DNER: variants seen among roughly 807,000 people sequenced by gnomAD.
The protein encoded by DNER is delta and Notch-like epidermal growth factor-related receptor.
A neutral mutation model predicts 78.2 loss-of-function variants in DNER; 33 were observed. The ratio of observed to expected loss-of-function variants is 0.42; its 90% confidence interval spans 0.32 to 0.56. The LOEUF is 0.56. Among genes scored for constraint, DNER ranks in the 20% least tolerant of loss-of-function variants. DNER has a pLI of 0.11. For synonymous variants in DNER, 417 were observed against 384.8 expected, an observed-to-expected ratio of 1.08 and a Z score of -0.98; for missense variants, 918 against 975.3, an observed-to-expected ratio of 0.94 and a Z score of 0.78.
chr2:229,613,605 G>T (rs150696411), intron 1 of DNER, among the ~76,000 whole-genome samples: 9 of 151,316 alleles, frequency 5.9e-5, no homozygotes, highest in African/African-American at 2.2e-4. Context: ...GTCAATGCCA[G>T]ATTGTTTTTA....
At chr2:229,470,749 C>G (rs903591032) in intron 7 of DNER, among the ~76,000 whole-genome samples, 1 of 152,080 alleles carries the variant, frequency 6.6e-6, no homozygotes, top group Admixed American at 6.5e-5. Flanking sequence ...ATTCGGGAGG[C>G]TGAAGCAGGA....
intron 1 of DNER, among the ~76,000 whole-genome samples, chr2:229,650,632 G>T (rs963017303): frequency 1.3e-5 from 2 of 151,922 alleles, no homozygotes; most frequent in African/African-American, 4.8e-5. Context: ...ACCACCCCAA[G>T]GGCCCCTACA....
intron 11 of DNER, among the ~76,000 whole-genome samples, chr2:229,383,901 C>T (rs988925112): frequency 2.0e-5 from 3 of 152,132 alleles, no homozygotes; most frequent in African/African-American, 7.2e-5. Flanking sequence ...AGCTCTGGAC[C>T]AAGCAGACCT....
intron 3 of DNER, among the ~76,000 whole-genome samples, chr2:229,586,508 TAAAAAAAAAAAAAAAAAAAAAA>T (rs555047737): frequency 7.4e-5 from 1 of 13,490 alleles, no homozygotes; most frequent in African/African-American, 2.7e-4. Flanking sequence ...TCATTTTTGG[TAAAAAAAAAAAAAAAAAAAAAA>T]AAAAAAAAAA....
At chr2:229,553,212 G>A (rs947889295) in intron 4 of DNER, among the ~76,000 whole-genome samples, 1 of 152,154 alleles carries the variant, frequency 6.6e-6, no homozygotes, top group African/African-American at 2.4e-5. Context: ...TTAGTGCCAG[G>A]GGATTGGCAC....
intron 1 of DNER, among the ~76,000 whole-genome samples, chr2:229,615,678 C>T (rs1698144957): frequency 6.6e-6 from 1 of 152,108 alleles, no homozygotes; most frequent in African/African-American, 2.4e-5. Flanking sequence ...TGCCACTGCA[C>T]TCTAGCCTGG....
intron 8 of DNER, among the ~76,000 whole-genome samples, chr2:229,442,159 C>G (rs2106359976): frequency 6.6e-6 from 1 of 152,280 alleles, no homozygotes; most frequent in East Asian, 1.9e-4. Flanking sequence ...TCTATACAAT[C>G]TACAACTCTC....
chr2:229,420,662 C>T (rs1390104327), intron 8 of DNER, among the ~76,000 whole-genome samples: 1 of 152,138 alleles, frequency 6.6e-6, no homozygotes, highest in African/African-American at 2.4e-5. Flanking sequence ...ATCAACATCA[C>T]TAAAAATCAG....
intron 8 of DNER, among the ~76,000 whole-genome samples, chr2:229,419,880 G>T (rs920879328): frequency 6.7e-6 from 1 of 148,962 alleles, no homozygotes; most frequent in Admixed American, 6.8e-5. Flanking sequence ...GACATTTTTC[G>T]TTGTCACAAC....
In DNER at chr2:229,447,520, C is replaced by T; in HGVS notation, c.1282G>A (p.Glu428Lys). The T allele has an allele frequency of 6.2e-7, 1 of 1,614,084 alleles. No homozygotes were observed. Among genetic ancestry groups the T allele is most frequent in the Non-Finnish European group, 8.5e-7 (1 of 1,179,990 alleles). The change falls in exon 8 of 13, where the codon GAA becomes AAA. Residue 428 changes from glutamate to lysine, a missense_variant. Transcript: ENST00000341772. ...CPEGYFGSAC[E>K]EKVDPCASSP... is the part of the protein sequence containing the mutation. ...GAGGCGCAGGGGTCCACCTTTTCTT[C>T]ACAAGCAGATCCGAAGTATCCTGTG...
intron 6 of DNER, among the ~76,000 whole-genome samples, chr2:229,506,058 G>A (rs1695736738): frequency 6.6e-6 from 1 of 152,172 alleles, no homozygotes; most frequent in Non-Finnish European, 1.5e-5. Flanking sequence ...GCACAATTCT[G>A]ATGAATTTAC....
intron 8 of DNER, among the ~76,000 whole-genome samples, chr2:229,439,768 G>A (rs1157226671): frequency 1.3e-5 from 2 of 152,192 alleles, no homozygotes; most frequent in Non-Finnish European, 2.9e-5. Flanking sequence ...TGCTGGCAGG[G>A]CTGCAAAACG....
chr2:229,369,217 T>TA (rs1464494107), intron 11 of DNER, among the ~76,000 whole-genome samples: 1 of 151,618 alleles, frequency 6.6e-6, no homozygotes, highest in Non-Finnish European at 1.5e-5. Flanking sequence ...TCTAAAAAGT[T>TA]AAAAAAAGGT....
intron 1 of DNER, among the ~76,000 whole-genome samples, chr2:229,652,733 C>G (rs567035195): frequency 6.6e-6 from 1 of 152,272 alleles, no homozygotes; most frequent in East Asian, 1.9e-4. Flanking sequence ...AGCCTCGTAT[C>G]TTGGGTGTTT....
At chr2:229,637,833 G>A (rs538762047) in intron 1 of DNER, among the ~76,000 whole-genome samples, 39 of 152,204 alleles carry the variant, frequency 2.6e-4, no homozygotes, top group African/African-American at 8.7e-4. Context: ...CAGACATGGA[G>A]GCATTTGGCC....
intron 12 of DNER, among the ~76,000 whole-genome samples, chr2:229,359,236 C>T (rs1692159660): frequency 6.6e-6 from 1 of 152,186 alleles, no homozygotes; most frequent in South Asian, 2.1e-4. Flanking sequence ...CTATCACCTC[C>T]CAACCTTATG....
intron 10 of DNER, among the ~76,000 whole-genome samples, chr2:229,393,144 T>TA (rs1179068787): frequency 6.6e-6 from 1 of 152,188 alleles, no homozygotes; most frequent in Non-Finnish European, 1.5e-5. Flanking sequence ...CCAATGGTCT[T>TA]AATAGTAGAC....
At chr2:229,543,722 C>T (rs913158642) in intron 5 of DNER, among the ~76,000 whole-genome samples, 3 of 152,140 alleles carry the variant, frequency 2.0e-5, no homozygotes, top group Non-Finnish European at 4.4e-5. Context: ...TTTTCTTAGT[C>T]TCTCACCCTT....
intron 4 of DNER, among the ~76,000 whole-genome samples, chr2:229,585,321 G>A (rs1452947429): frequency 3.3e-5 from 5 of 152,168 alleles, no homozygotes; most frequent in Non-Finnish European, 2.9e-5. Flanking sequence ...GAACACAGTC[G>A]CTGGATTCCA....
Sources: gnomAD v4.1 joint callset for allele counts (sites outside exome capture counted in the v4.1 genomes callset) on GRCh38, gnomAD v4.1.1 for gene constraint, MANE v1.5 for transcripts, NCBI Gene and HGNC (gene_info 2026-07-23, HGNC 2026-07-21) for gene names.